Variants in IKBKG observed in about 807,000 individuals in gnomAD.
The protein encoded by IKBKG is NF-kappa-B essential modulator.
A neutral mutation model predicts 13.7 loss-of-function variants in IKBKG; 2 were observed. The ratio of observed to expected loss-of-function variants is 0.15; its 90% confidence interval spans 0.06 to 0.46. The LOEUF (loss-of-function observed/expected upper bound fraction) is 0.46, where lower values mean the gene tolerates loss of function less well. Ranked by LOEUF, IKBKG falls within the 20% of genes least tolerant of loss-of-function variation. The pLI is 0.98. For synonymous variants in IKBKG, 22 were observed against 64.4 expected (o/e 0.34, Z 3.15); for missense variants, 53 against 150.3 (o/e 0.35, Z 3.39).
chrX:154,553,225 T>G (rs1184592285), intron 2 of IKBKG, among the ~76,000 whole-genome samples: 1 of 112,441 alleles, frequency 8.9e-6, no homozygotes, highest in African/African-American at 3.2e-5. Flanking sequence ...TTCAATTGGC[T>G]CTCCGTGTCC....
intron 2 of IKBKG, among the ~76,000 whole-genome samples, chrX:154,554,834 C>T (rs782712772): frequency 6.7e-4 from 75 of 111,896 alleles, no homozygotes; most frequent in African/African-American, 2.0e-3. Context: ...ATGTTGCGCT[C>T]GTCAGCAGGC....
upstream of IKBKG, among the ~76,000 whole-genome samples, chrX:154,543,017 G>A (rs782481024): frequency 8.9e-6 from 1 of 112,036 alleles, no homozygotes; most frequent in African/African-American, 3.3e-5. Flanking sequence ...CTAGGATCAC[G>A]TGCCCTCAAG....
At chrX:154,555,540 C>G (rs1418757846) in intron 2 of IKBKG, among the ~76,000 whole-genome samples, 1 of 112,669 alleles carries the variant, frequency 8.9e-6, no homozygotes, top group African/African-American at 3.2e-5. Context: ...GACCTTGTCT[C>G]TACAAAAATA....
At chrX:154,547,395 C>T, upstream of IKBKG, 4 of 755,140 alleles carry the variant, frequency 5.3e-6, no homozygotes, top group Non-Finnish European at 6.3e-6. Context: ...CGAGGCTAGA[C>T]GCCGCCGTCC....
rs1557235244 is a variant in IKBKG at position 154,552,179 on chromosome X, A to G, written c.177A>G (p.Gln59=). 9 of 1,190,571 alleles carry G rather than the reference A, an allele frequency of 7.6e-6. No homozygotes were observed. The highest frequency in any genetic ancestry group is 1.8e-5 in the South Asian group (1 of 54,532). ...ETLQRCLEEN[Q]ELRDAIRQSN... ...TCCAGCGCTGCCTGGAGGAGAATCA[A>G]GAGCTCCGAGGTGAGGAAAGAGTCA... The change falls in exon 2 of 10, where the codon CAA becomes CAG. Residue 59 remains glutamine, a synonymous_variant. Transcript: ENST00000594239.
At chrX:154,546,318 A>T (rs1228574475), upstream of IKBKG, 21 of 705,513 alleles carry the variant, frequency 3.0e-5, no homozygotes, top group Non-Finnish European at 3.9e-5. Flanking sequence ...GGAGTGGTTG[A>T]TGGGTTAGAA....
At chrX:154,551,642 G>A (rs1394567092) in intron 1 of IKBKG, among the ~76,000 whole-genome samples, 1 of 111,464 alleles carries the variant, frequency 9.0e-6, no homozygotes, top group African/African-American at 3.3e-5. Flanking sequence ...ATGAGGGGCC[G>A]GTACCCTCCA....
Position 154,551,884 on chromosome X carries a change from A to G in IKBKG, c.-15-104A>G, listed in dbSNP as rs1348191495. The G allele has an allele frequency of 5.0e-6, 3 of 595,989 alleles. No homozygotes were observed. The African/African-American group carries it at 7.0e-5, about 14-fold the overall frequency. The allele number at this position is 595,989 out of a possible 1,213,427, so 49.1% of individuals were successfully genotyped here. ...TTTAGCATCCTGATACACTAGGTGA[A>G]TTATCAGCATTCTGTTTAAAATGTA... On this transcript the variant is annotated intron_variant, in intron 1 of 9. Transcript: ENST00000594239.
upstream of IKBKG, among the ~76,000 whole-genome samples, chrX:154,544,495 A>G (rs1210965422): frequency 2.7e-5 from 3 of 112,232 alleles, no homozygotes; most frequent in Non-Finnish European, 3.8e-5. Flanking sequence ...GGGTTTCGCC[A>G]TGTTGGCCAG....
At chrX:154,548,105 T>C in intron 1 of IKBKG, 1 of 754,462 alleles carries the variant, frequency 1.3e-6, no homozygotes, top group African/African-American at 2.3e-5. Context: ...TGATTTCATA[T>C]GCCTGTTTGC....
At chrX:154,543,622 C>T (rs1273623887), upstream of IKBKG, among the ~76,000 whole-genome samples, 3 of 111,908 alleles carry the variant, frequency 2.7e-5, no homozygotes, top group African/African-American at 9.8e-5. Flanking sequence ...CAGTCTGCTT[C>T]TTGGACTAAG....
intron 1 of IKBKG, chrX:154,541,503 C>T (rs1170498724): frequency 8.9e-6 from 1 of 112,031 alleles, no homozygotes; most frequent in Non-Finnish European, 1.9e-5. Flanking sequence ...CAGGGGTAGC[C>T]CTGCCCTCCC....
chrX:154,546,813 C>T (rs1330066266), upstream of IKBKG: 22 of 1,163,058 alleles, frequency 1.9e-5, no homozygotes, highest in Non-Finnish European at 2.5e-5. Flanking sequence ...CGTCGCCCTC[C>T]GCGCTCGCAG....
At chrX:154,554,641 G>A (rs1253020904) in intron 2 of IKBKG, among the ~76,000 whole-genome samples, 1 of 111,205 alleles carries the variant, frequency 9.0e-6, no homozygotes, top group Admixed American at 9.6e-5. Context: ...TATAATCCCA[G>A]CTACTTGGGA....
At chrX:154,548,603 G>T (rs1379444065) in intron 1 of IKBKG, among the ~76,000 whole-genome samples, 10 of 111,516 alleles carry the variant, frequency 9.0e-5, no homozygotes, top group African/African-American at 2.9e-4. Context: ...TCGCTCTGTC[G>T]CCCAGGCTGG....
upstream of IKBKG, chrX:154,547,088 A>G (rs1468424460): frequency 4.5e-5 from 7 of 154,145 alleles, no homozygotes; most frequent in African/African-American, 9.7e-5. Context: ...TGCATCCCCA[A>G]TTCCGGCGGG....
chrX:154,554,853 G>C (rs2071020029), intron 2 of IKBKG, among the ~76,000 whole-genome samples: 1 of 112,007 alleles, frequency 8.9e-6, no homozygotes, highest in Admixed American at 9.5e-5. Flanking sequence ...GCAATAGTTA[G>C]TTGGTTGAGG....
upstream of IKBKG, chrX:154,547,195 C>G (rs1316991249): frequency 5.4e-6 from 2 of 372,947 alleles, no homozygotes; most frequent in African/African-American, 5.5e-5. Flanking sequence ...CGGCCTCGCG[C>G]GCTCGCGGAG....
intron 1 of IKBKG, chrX:154,542,219 C>A: frequency 1.1e-6 from 1 of 905,576 alleles, no homozygotes; most frequent in Admixed American, 3.0e-5. Context: ...GTCATCCCTC[C>A]CACAGGCCCA....
Sources: gnomAD v4.1 joint callset for allele counts (sites outside exome capture counted in the v4.1 genomes callset) on GRCh38, gnomAD v4.1.1 for gene constraint, MANE v1.5 for transcripts, NCBI Gene and HGNC (gene_info 2026-07-23, HGNC 2026-07-21) for gene names.